Variants in IKZF2 observed in about 807,000 individuals in gnomAD.
IKZF2 encodes the protein zinc finger protein Helios.
Under a neutral mutation model 49.2 loss-of-function variants are expected in IKZF2, and 15 were observed. The ratio of observed to expected loss-of-function variants is 0.30; its 90% CI spans 0.20 to 0.47. The LOEUF (loss-of-function observed/expected upper bound fraction) is 0.47. Among genes scored for constraint, IKZF2 ranks in the 20% least tolerant of loss-of-function variants. The pLI is 1.00. For synonymous variants in IKZF2, 227 were observed against 221.4 expected (o/e 1.03, Z -0.23); for missense variants, 567 against 664.6 (o/e 0.85, Z 1.61).
chr2:213,062,224 T>C (rs1385000650), intron 4 of IKZF2, among the ~76,000 whole-genome samples: 1 of 151,638 alleles, frequency 6.6e-6, no homozygotes, highest in African/African-American at 2.4e-5. Flanking sequence ...ACTGAAAATA[T>C]CAATTTAAGA....
rs1163579039 is a variant in IKZF2, at chr2:213,004,335, A to C, written c.*3025T>G. ...TTTCAATGACTTGAAATTTCTTCCA[A>C]TCCGCCTACTGATCCCTTTCCCTGT... On this transcript the variant is annotated 3_prime_UTR_variant, in exon 9 of 9. Transcript: ENST00000434687. 2 of 151,852 alleles carry C rather than the reference A, an allele frequency of 1.3e-5. No individual in the cohort carries two copies. Among genetic ancestry groups the C allele is most frequent in the Non-Finnish European group, 2.9e-5 (2 of 67,850 alleles). 9.4% of individuals were successfully genotyped at this position (151,852 alleles called of 1,614,324 possible).
chr2:213,088,730 TC>T (rs1704962701), intron 4 of IKZF2, among the ~76,000 whole-genome samples: 4 of 152,018 alleles, frequency 2.6e-5, no homozygotes, highest in Admixed American at 2.6e-4. Flanking sequence ...TGCACTCCAG[TC>T]TGGGCAACAG....
intron 4 of IKZF2, among the ~76,000 whole-genome samples, chr2:213,113,684 C>A (rs1215109928): frequency 1.3e-5 from 2 of 151,970 alleles, no homozygotes; most frequent in Non-Finnish European, 2.9e-5. Context: ...GTTTTTTTCC[C>A]CTTATCTCTC....
At chr2:213,102,187 T>C (rs951866646) in intron 4 of IKZF2, among the ~76,000 whole-genome samples, 1 of 152,150 alleles carries the variant, frequency 6.6e-6, no homozygotes, top group Non-Finnish European at 1.5e-5. Context: ...GTGAGCGGCA[T>C]CTTTGAGATG....
At chr2:213,145,362 C>T (rs1455889981) in intron 4 of IKZF2, among the ~76,000 whole-genome samples, 3 of 151,816 alleles carry the variant, frequency 2.0e-5, no homozygotes, top group African/African-American at 7.3e-5. Flanking sequence ...AGGCACCCTC[C>T]AGGAAGTATA....
At chr2:213,110,596 A>G (rs909953711) in intron 4 of IKZF2, among the ~76,000 whole-genome samples, 1 of 151,978 alleles carries the variant, frequency 6.6e-6, no homozygotes. Context: ...AATGTTTCCC[A>G]TCTTTTGATA....
chr2:213,094,509 T>C (rs1705732851), intron 4 of IKZF2, among the ~76,000 whole-genome samples: 1 of 152,042 alleles, frequency 6.6e-6, no homozygotes. Flanking sequence ...TGGAAGAATC[T>C]GAGACCCCCC....
intron 4 of IKZF2, among the ~76,000 whole-genome samples, chr2:213,075,671 TAATTTTTCATTAATTGATA>T (rs1703173519): frequency 6.6e-6 from 1 of 152,134 alleles, no homozygotes; most frequent in South Asian, 2.1e-4. Context: ...AACATTTGAT[TAATTTTTCATTAATTGATA>T]TATACTGACA....
At chr2:213,121,577 T>C (rs1460069639) in intron 4 of IKZF2, among the ~76,000 whole-genome samples, 2 of 152,236 alleles carry the variant, frequency 1.3e-5, no homozygotes, top group African/African-American at 4.8e-5. Context: ...TTGCTATAAA[T>C]ACAAGGACCA....
At chr2:213,095,337 C>T (rs142104595) in intron 4 of IKZF2, among the ~76,000 whole-genome samples, 23 of 152,098 alleles carry the variant, frequency 1.5e-4, no homozygotes, top group South Asian at 6.2e-4. Flanking sequence ...CATTTTAAAA[C>T]GTGATCCCCA....
chr2:213,103,868 G>C (rs916748386), intron 4 of IKZF2, among the ~76,000 whole-genome samples: 1 of 152,000 alleles, frequency 6.6e-6, no homozygotes, highest in Non-Finnish European at 1.5e-5. Flanking sequence ...AGATTTATAA[G>C]AAAATGTTAA....
At position 213,000,369 on chromosome 2, in the gene IKZF2, T is replaced by TA. The variant is rs1694786466; in HGVS notation, c.*6990dup. 6.6e-6 allele frequency: 1 copy of TA among 150,940 alleles called. No individual in the cohort carries two copies. The highest frequency in any genetic ancestry group is 1.5e-5 in the Non-Finnish European group (1 of 67,368). 9.4% of individuals were successfully genotyped at this position (150,940 alleles called of 1,614,324 possible). The stretch of plus-strand genomic sequence containing the variant: ...CTATTTTTTTTTCTTTTTTTGCTTC[T>TA]AAAACACAAAATACCCTAGAAACTG... On this transcript the variant is annotated 3_prime_UTR_variant, in exon 9 of 9. Coordinates refer to ENST00000434687, the MANE Select transcript of IKZF2 (RefSeq NM_001387220.1).
At chr2:213,021,970 T>C in intron 7 of IKZF2, 23 bp downstream of exon 7, 1 of 1,591,034 alleles carries the variant, frequency 6.3e-7, no homozygotes, top group South Asian at 1.2e-5. Context: ...GAAATAAAAA[T>C]GATGAATCCA....
chr2:213,145,831 A>G lies in IKZF2; in HGVS notation c.139+1877T>C, dbSNP rs148309262. 7.9e-3 allele frequency among the ~76,000 whole-genome samples: 1,138 copies of G among 144,404 alleles called. 7 individuals carry two copies. Among genetic ancestry groups the G allele is most frequent in the Middle Eastern group, 0.036 (10 of 280 alleles). 94.7% of individuals were successfully genotyped at this position (144,404 alleles called of 152,430 possible). A position where few individuals can be genotyped will look rare whatever the true frequency, so the allele number is the denominator to read the frequency against. ...ACCTGTACTAACATGGAATTGCCAC[A>G]GGCTAGTAAGTTAAAAAACTCTCTA... On this transcript the variant is annotated intron_variant, in intron 4 of 8. Coordinates refer to ENST00000434687, the MANE Select transcript of IKZF2 (RefSeq NM_001387220.1).
At position 213,003,934 on chromosome 2, in the gene IKZF2, C is replaced by T. The variant is rs1398143719; in HGVS notation, c.*3426G>A. ...ATCAGCTTAATCATTGTTTGTTTCA[C>T]TTTGTTCTGTAAGTAGATAATAAGG... On this transcript the variant is annotated 3_prime_UTR_variant, in exon 9 of 9. Coordinates refer to ENST00000434687, the MANE Select transcript of IKZF2 (RefSeq NM_001387220.1). 1 of 151,702 alleles carries T rather than the reference C, an allele frequency of 6.6e-6. No individual in the cohort carries two copies. Among genetic ancestry groups the T allele is most frequent in the African/African-American group, 2.4e-5 (1 of 41,364 alleles). 9.4% of individuals were successfully genotyped at this position (151,702 alleles called of 1,614,324 possible).
At chr2:213,119,761 T>C (rs992149904) in intron 4 of IKZF2, among the ~76,000 whole-genome samples, 1 of 152,200 alleles carries the variant, frequency 6.6e-6, no homozygotes, top group African/African-American at 2.4e-5. Flanking sequence ...CCATCATATA[T>C]GGATCCCTAC....
chr2:213,149,553 T>C (rs148933094), intron 2 of IKZF2, among the ~76,000 whole-genome samples: 3 of 152,252 alleles, frequency 2.0e-5, no homozygotes, highest in Admixed American at 1.3e-4. Flanking sequence ...TACTTTTTTT[T>C]CCCCCTTTGG....
chr2:213,027,874 T>G (rs1697986497), intron 6 of IKZF2, among the ~76,000 whole-genome samples: 1 of 152,158 alleles, frequency 6.6e-6, no homozygotes, highest in African/African-American at 2.4e-5. Flanking sequence ...GTCTCTGGTC[T>G]AAAGTCTCTA....
At chr2:213,064,458 C>A (rs1238296343) in intron 4 of IKZF2, among the ~76,000 whole-genome samples, 3 of 152,032 alleles carry the variant, frequency 2.0e-5, no homozygotes, top group Non-Finnish European at 4.4e-5. Context: ...AAATATCTAA[C>A]TTCCTGATGA....
Sources: gnomAD v4.1 joint callset for allele counts (sites outside exome capture counted in the v4.1 genomes callset) on GRCh38, gnomAD v4.1.1 for gene constraint, MANE v1.5 for transcripts, NCBI Gene and HGNC (gene_info 2026-07-23, HGNC 2026-07-21) for gene names.